Variants in VPS53 observed in about 807,000 individuals in gnomAD.
VPS53 encodes vacuolar protein sorting-associated protein 53 homolog.
VPS53 carries 70 observed loss-of-function variants against 107.0 expected under a neutral mutation model. The ratio of observed to expected loss-of-function variants is 0.65; its 90% CI spans 0.54 to 0.80. VPS53 has a LOEUF of 0.80. Ranked by LOEUF, VPS53 falls within the 30% of genes least tolerant of loss-of-function variation. The probability of loss-of-function intolerance (pLI) is 0.00; values close to 1 mark genes in which losing one functional copy is unlikely to be tolerated. For missense variants in VPS53, 917 were observed against 1,049.4 expected (o/e 0.87, Z 1.74); for synonymous variants, 409 against 393.3 (o/e 1.04, Z -0.47).
chr17:519,773 C>T lies in VPS53; in HGVS notation c.2328+53G>A, dbSNP rs1803948567. ...TTATATCCCAATTCCCGGTTAAGAA[C>T]CGCTGAGTGTGAGGGGGATGAGCAG... On this transcript the variant is annotated intron_variant, in intron 21 of 21. Transcript: ENST00000437048. This position sits in a 1 kb window ranked among gnomAD's most constrained non-coding sequence, Gnocchi z 5.0. The T allele has an allele frequency of 7.5e-7, 1 of 1,324,776 alleles. No homozygotes were observed. Among genetic ancestry groups the T allele is most frequent in the Admixed American group, 2.0e-5 (1 of 49,984 alleles). The allele number at this position is 1,324,776 out of a possible 1,614,324, so 82.1% of individuals were successfully genotyped here.
At chr17:627,965 C>T (rs1350210959) in intron 9 of VPS53, 123 bp downstream of exon 9, 6 of 999,882 alleles carry the variant, frequency 6.0e-6, no homozygotes, top group Admixed American at 3.1e-5. Context: ...CTAGGACTCA[C>T]AGCTCAACAA....
chr17:543,163 A>T (rs1910836636), intron 17 of VPS53, among the ~76,000 whole-genome samples: 1 of 152,186 alleles, frequency 6.6e-6, no homozygotes, highest in Non-Finnish European at 1.5e-5. Context: ...GAGGAAAATG[A>T]AAATGAGAAC....
chr17:533,012 T>A (rs995310567), intron 18 of VPS53, 101 bp from the exon 19 acceptor site: 21 of 1,496,180 alleles, frequency 1.4e-5, no homozygotes, highest in Non-Finnish European at 1.9e-5. Flanking sequence ...AAACCTTTTT[T>A]AATGAAGAAT....
At chr17:580,644 C>T (rs569961507) in intron 13 of VPS53, among the ~76,000 whole-genome samples, 3 of 151,522 alleles carry the variant, frequency 2.0e-5, no homozygotes, top group African/African-American at 7.3e-5. Flanking sequence ...GAACCTCCCT[C>T]AGGACAGAAT....
chr17:572,589 C>T (rs1011569838), intron 13 of VPS53, among the ~76,000 whole-genome samples: 1 of 151,676 alleles, frequency 6.6e-6, no homozygotes, highest in Non-Finnish European at 1.5e-5. Flanking sequence ...AATAGAAAGG[C>T]GGGAAAGGTG....
At chr17:612,546 C>T (rs1174451718) in intron 11 of VPS53, among the ~76,000 whole-genome samples, 1 of 144,624 alleles carries the variant, frequency 6.9e-6, no homozygotes, top group East Asian at 2.0e-4. Flanking sequence ...AGTGAGTTCA[C>T]ACAGTGAAAA....
At chr17:690,617 C>T (rs879542487) in intron 4 of VPS53, among the ~76,000 whole-genome samples, 2 of 152,190 alleles carry the variant, frequency 1.3e-5, no homozygotes, top group African/African-American at 2.4e-5. Context: ...CATCTGTTTG[C>T]GACTCTTGAC....
intron 11 of VPS53, among the ~76,000 whole-genome samples, chr17:606,502 C>T (rs968955481): frequency 4.6e-5 from 7 of 152,088 alleles, no homozygotes; most frequent in African/African-American, 9.7e-5. Context: ...ATGATGCGTG[C>T]GTGTCAGGCG....
chr17:653,124 G>C, intron 7 of VPS53, 167 bp downstream of exon 7: 8 of 985,270 alleles, frequency 8.1e-6, no homozygotes, highest in Non-Finnish European at 8.4e-6. Context: ...GAAAGCTGCC[G>C]GATCTGTGGA....
chr17:586,193 C>G, intron 13 of VPS53, 77 bp downstream of exon 13: 1 of 1,350,422 alleles, frequency 7.4e-7, no homozygotes, highest in Non-Finnish European at 1.1e-6. Flanking sequence ...CCGGAAGGAG[C>G]TGTGCGCTCC....
chr17:579,712 A>C (rs1256535334), intron 13 of VPS53, among the ~76,000 whole-genome samples: 1 of 151,556 alleles, frequency 6.6e-6, no homozygotes, highest in Non-Finnish European at 1.5e-5. Context: ...CACCCTCAGG[A>C]CCTAATGCGT....
chr17:521,694 G>A lies in VPS53; in HGVS notation c.2130C>T (p.Leu710=). The A allele has an allele frequency of 6.4e-7, 1 of 1,550,874 alleles. No individual in the cohort carries two copies. The highest frequency in any genetic ancestry group is 8.7e-7 in the Non-Finnish European group (1 of 1,146,480). Residue 710 remains leucine (L), a synonymous_variant, in exon 20 of 22, where the codon CTC becomes CTT. Coordinates refer to ENST00000437048, the MANE Select transcript of VPS53 (RefSeq NM_001128159.3). ...TCACCACCTGCGAGCTGATGGAGGGGAGATCGAGCAGGACCATCTTCAGCG... is the reference window on the plus strand; with the variant it reads ...TCACCACCTGCGAGCTGATGGAGGGAAGATCGAGCAGGACCATCTTCAGCG... ...THSLKMVLLD[L]PSISSQVVRK...
chr17:656,969 T>A, intron 5 of VPS53: 1 of 965,484 alleles, frequency 1.0e-6, no homozygotes. Context: ...ATGAACCACG[T>A]CAGAAGATCC....
intron 4 of VPS53, among the ~76,000 whole-genome samples, chr17:664,723 A>G (rs1971606735): frequency 6.6e-6 from 1 of 152,160 alleles, no homozygotes; most frequent in African/African-American, 2.4e-5. Context: ...AAGTTGCTGC[A>G]GTGTCCACGA....
chr17:583,539 GA>G (rs1225277177), intron 13 of VPS53, among the ~76,000 whole-genome samples: 3 of 148,590 alleles, frequency 2.0e-5, no homozygotes, highest in Non-Finnish European at 4.4e-5. Flanking sequence ...ACTTTCCTCA[GA>G]ACCTAATGCG....
At chr17:657,194 C>A in intron 5 of VPS53, 5 of 1,527,088 alleles carry the variant, frequency 3.3e-6, no homozygotes, top group Non-Finnish European at 4.5e-6. Flanking sequence ...TTTGTGCCCA[C>A]AAAGATTTTT....
intron 4 of VPS53, among the ~76,000 whole-genome samples, chr17:689,228 G>A (rs1448791088): frequency 2.0e-5 from 3 of 152,166 alleles, no homozygotes; most frequent in Admixed American, 6.5e-5. Flanking sequence ...TCTCCTTCTA[G>A]TGAGCTGACA....
intron 11 of VPS53, among the ~76,000 whole-genome samples, chr17:611,823 T>C (rs1358063679): frequency 2.6e-5 from 4 of 151,998 alleles, no homozygotes; most frequent in Non-Finnish European, 5.9e-5. Context: ...AGTATTCAAA[T>C]AGTGAATTCA....
chr17:548,227 A>C (rs1465350876), intron 17 of VPS53, among the ~76,000 whole-genome samples: 1 of 152,270 alleles, frequency 6.6e-6, no homozygotes, highest in Non-Finnish European at 1.5e-5. Context: ...ACCAAGGAAG[A>C]GGCCATGGGA....
Sources: gnomAD v4.1 joint callset for allele counts (sites outside exome capture counted in the v4.1 genomes callset) on GRCh38, gnomAD v4.1.1 for gene constraint, Gnocchi (gnomAD v3.1) non-coding constraint, MANE v1.5 for transcripts, NCBI Gene and HGNC (gene_info 2026-07-23, HGNC 2026-07-21) for gene names.